Variants in MED27 observed in about 807,000 individuals in gnomAD.
The protein encoded by MED27 is mediator complex subunit 27, also known as mediator of RNA polymerase II transcription subunit 27.
In MED27, 30 loss-of-function variants were observed where a neutral mutation model predicts 38.2. The ratio of observed to expected loss-of-function variants is 0.79; its 90% confidence interval spans 0.59 to 1.07. MED27 has a LOEUF of 1.07. Among genes scored for constraint, MED27 ranks in the 50% least tolerant of loss-of-function variants. MED27 has a pLI of 0.00. For synonymous variants in MED27, 122 were observed against 153.5 expected, an observed-to-expected ratio of 0.79 and a Z score of 1.52; for missense variants, 289 against 397.5, an observed-to-expected ratio of 0.73 and a Z score of 2.32.
chr9:132,078,875 C>A (rs527933190), intron 1 of MED27, among the ~76,000 whole-genome samples: 1 of 152,302 alleles, frequency 6.6e-6, no homozygotes, highest in East Asian at 1.9e-4. Flanking sequence ...GTGCCAGGCC[C>A]TTTACAAACA....
chr9:131,893,793 T>A, intron 5 of MED27, 92 bp downstream of exon 5: 1 of 835,040 alleles, frequency 1.2e-6, no homozygotes, highest in Non-Finnish European at 2.0e-6. Context: ...CCGCTATGAT[T>A]GCTAGTTTTT....
intron 2 of MED27, among the ~76,000 whole-genome samples, chr9:132,029,182 G>C (rs1832894283): frequency 2.6e-5 from 4 of 152,166 alleles, no homozygotes. Context: ...GAGCAGGATA[G>C]GAACAAATAG....
intron 2 of MED27, among the ~76,000 whole-genome samples, chr9:132,019,707 T>C (rs941300908): frequency 3.3e-5 from 5 of 152,224 alleles, no homozygotes; most frequent in African/African-American, 9.6e-5. Context: ...CGGTGGGCCA[T>C]ACAGGGTTTG....
chr9:132,007,826 A>G (rs1257763350), intron 3 of MED27, among the ~76,000 whole-genome samples: 1 of 152,050 alleles, frequency 6.6e-6, no homozygotes, highest in Non-Finnish European at 1.5e-5. Context: ...AGCTTGGAGC[A>G]CGAATAGCTC....
At chr9:131,924,366 T>C (rs548635912) in intron 4 of MED27, among the ~76,000 whole-genome samples, 2 of 152,316 alleles carry the variant, frequency 1.3e-5, no homozygotes, top group South Asian at 4.1e-4. Flanking sequence ...AAGTATCTCA[T>C]ATATATATTT....
At chr9:131,996,184 A>G (rs1832086306) in intron 3 of MED27, among the ~76,000 whole-genome samples, 1 of 152,222 alleles carries the variant, frequency 6.6e-6, no homozygotes, top group Non-Finnish European at 1.5e-5. Flanking sequence ...TTCTGCTCGT[A>G]AGAAGCAGGG....
At chr9:132,073,194 C>G (rs773985877) in intron 2 of MED27, among the ~76,000 whole-genome samples, 1 of 152,132 alleles carries the variant, frequency 6.6e-6, no homozygotes, top group Non-Finnish European at 1.5e-5. Context: ...ACCCCCAGCC[C>G]TGGCCTCCAT....
chr9:132,077,847 C>T (rs1470518448), intron 1 of MED27, among the ~76,000 whole-genome samples: 2 of 152,074 alleles, frequency 1.3e-5, no homozygotes, highest in Non-Finnish European at 2.9e-5. Context: ...CAATAAGACC[C>T]CCATAATCAG....
At chr9:131,908,939 G>T (rs550634567) in intron 4 of MED27, among the ~76,000 whole-genome samples, 18 of 151,898 alleles carry the variant, frequency 1.2e-4, no homozygotes, top group African/African-American at 4.3e-4. Flanking sequence ...CAGCCCAGAA[G>T]GTCTCAGCCT....
chr9:131,965,861 C>T (rs1031878859), intron 3 of MED27, among the ~76,000 whole-genome samples: 1 of 151,958 alleles, frequency 6.6e-6, no homozygotes, highest in African/African-American at 2.4e-5. Context: ...AGACCTGTAT[C>T]ACCACCACCA....
chr9:132,028,744 C>A (rs1832884071), intron 2 of MED27, among the ~76,000 whole-genome samples: 1 of 152,084 alleles, frequency 6.6e-6, no homozygotes, highest in South Asian at 2.1e-4. Flanking sequence ...CAAAACACAG[C>A]CAGAGATCAT....
chr9:132,052,104 A>G (rs917705207), intron 2 of MED27, among the ~76,000 whole-genome samples: 4 of 152,182 alleles, frequency 2.6e-5, no homozygotes, highest in Admixed American at 1.3e-4. Flanking sequence ...TCAGAGATGG[A>G]TGGCAACACA....
intron 2 of MED27, among the ~76,000 whole-genome samples, chr9:132,043,458 T>C (rs1047689685): frequency 2.0e-5 from 3 of 152,152 alleles, no homozygotes; most frequent in African/African-American, 7.2e-5. Flanking sequence ...AACTGCTGCC[T>C]GCTCTGTTTC....
chr9:131,958,598 T>C (rs4072557), intron 3 of MED27, among the ~76,000 whole-genome samples: 40,996 of 152,082 alleles, frequency 0.27, 5,714 homozygotes, highest in East Asian at 0.38. Flanking sequence ...AGACAGGATC[T>C]CCTAGGGACT....
Position 131,917,543 on chromosome 9 carries a change from G to A in MED27, c.573+21838C>T, listed in dbSNP as rs1364461384. On this transcript the variant is annotated intron_variant, in intron 4 of 7. Transcript: ENST00000292035. This position sits in a 1 kb window ranked among gnomAD's most constrained non-coding sequence, Gnocchi z 4.6. ...CAAGGGTTCAGACGACAGGAGATGA[G>A]AGCAGTGAAGATGGGGTGGGGGGCT... Among the ~76,000 whole-genome samples, 2 of 152,036 alleles carry A rather than the reference G, an allele frequency of 1.3e-5. No individual in the cohort carries two copies. The highest frequency in any genetic ancestry group is 2.9e-5 in the Non-Finnish European group (2 of 68,014).
rs114511822 is a variant in MED27, at chr9:131,947,481, C to T, written c.480-8007G>A. On this transcript the variant is annotated intron_variant, in intron 3 of 7. Coordinates refer to ENST00000292035, the MANE Select transcript of MED27 (RefSeq NM_004269.4). Reference sequence around the variant, plus strand: ...TGCAAAACATTAGTACAAAGATGCACGCTACCAAATTGGGATTACAATACT... The same window carrying T: ...TGCAAAACATTAGTACAAAGATGCATGCTACCAAATTGGGATTACAATACT... 2.6e-3 allele frequency among the ~76,000 whole-genome samples: 393 copies of T among 152,234 alleles called. 4 individuals carry two copies. Among genetic ancestry groups the T allele is most frequent in the African/African-American group, 8.8e-3 (367 of 41,538 alleles).
chr9:132,000,362 G>A (rs1306355850), intron 3 of MED27, among the ~76,000 whole-genome samples: 1 of 152,046 alleles, frequency 6.6e-6, no homozygotes, highest in East Asian at 1.9e-4. Flanking sequence ...GTCAAGTGCT[G>A]GTGGAAGCAC....
chr9:131,881,493 C>T (rs148804828), intron 6 of MED27, among the ~76,000 whole-genome samples: 12 of 152,204 alleles, frequency 7.9e-5, no homozygotes, highest in African/African-American at 2.7e-4. Flanking sequence ...CATTACATTT[C>T]CAGGGAGCTC....
At chr9:131,893,854 C>G (rs761465891) in intron 5 of MED27, 31 bp downstream of exon 5, 2 of 1,529,754 alleles carry the variant, frequency 1.3e-6, no homozygotes, top group Admixed American at 3.4e-5. Context: ...TACAGAAAAC[C>G]AAGGAACACA....
Sources: gnomAD v4.1 joint callset for allele counts (sites outside exome capture counted in the v4.1 genomes callset) on GRCh38, gnomAD v4.1.1 for gene constraint, Gnocchi (gnomAD v3.1) non-coding constraint, MANE v1.5 for transcripts, NCBI Gene and HGNC (gene_info 2026-07-23, HGNC 2026-07-21) for gene names.